The following ADK variants were observed in gnomAD, a reference collection of about 807,000 sequenced individuals.
The protein encoded by ADK is adenosine kinase.
In ADK, 24 loss-of-function variants were observed where a neutral mutation model predicts 44.7. The ratio of observed to expected loss-of-function variants is 0.54; its 90% confidence interval spans 0.39 to 0.76. ADK has a LOEUF of 0.76. Ranked by LOEUF, ADK falls within the 30% of genes least tolerant of loss-of-function variation. The pLI, the probability that ADK is intolerant of heterozygous loss-of-function variation, is 0.00. For missense variants in ADK, 321 were observed against 425.1 expected, an observed-to-expected ratio of 0.76 and a Z score of 2.15; for synonymous variants, 128 against 142.6, an observed-to-expected ratio of 0.90 and a Z score of 0.73.
intron 8 of ADK, 58 bp downstream of exon 8, chr10:74,589,375 A>G: frequency 6.4e-7 from 1 of 1,562,122 alleles, no homozygotes; most frequent in Admixed American, 1.7e-5. Context: ...CTAGCTGATA[A>G]TGAAGTTCTT....
At chr10:74,226,309 G>A (rs1277904037) in intron 3 of ADK, among the ~76,000 whole-genome samples, 1 of 152,086 alleles carries the variant, frequency 6.6e-6, no homozygotes, top group African/African-American at 2.4e-5. Flanking sequence ...GTTTCGCCAT[G>A]TTGGCCAGGC....
chr10:74,208,738 T>A (rs923642602), intron 2 of ADK, among the ~76,000 whole-genome samples: 2 of 151,846 alleles, frequency 1.3e-5, no homozygotes, highest in African/African-American at 4.8e-5. Context: ...TTTTTTATTT[T>A]TTTATTTTTT....
intron 4 of ADK, among the ~76,000 whole-genome samples, chr10:74,374,876 C>G (rs1842771112): frequency 6.6e-6 from 1 of 152,086 alleles, no homozygotes; most frequent in Non-Finnish European, 1.5e-5. Flanking sequence ...TCATTATACC[C>G]CATATTCCTT....
chr10:74,616,403 G>A (rs1852761572), intron 9 of ADK, among the ~76,000 whole-genome samples: 1 of 151,690 alleles, frequency 6.6e-6, no homozygotes, highest in Non-Finnish European at 1.5e-5. Context: ...ATATATATAA[G>A]GTGTAGGATA....
chr10:74,359,269 T>C (rs1448819086), intron 4 of ADK, among the ~76,000 whole-genome samples: 1 of 152,182 alleles, frequency 6.6e-6, no homozygotes, highest in Non-Finnish European at 1.5e-5. Flanking sequence ...CAGCTTTCTC[T>C]TTTTGCTCAG....
chr10:74,551,795 A>G (rs1850043126), intron 7 of ADK, among the ~76,000 whole-genome samples: 1 of 152,198 alleles, frequency 6.6e-6, no homozygotes, highest in East Asian at 1.9e-4. Flanking sequence ...TGCATATAAT[A>G]TACAGTCCTC....
intron 7 of ADK, among the ~76,000 whole-genome samples, chr10:74,528,514 G>A (rs752999914): frequency 6.7e-5 from 10 of 148,218 alleles, no homozygotes; most frequent in Non-Finnish European, 1.3e-4. Flanking sequence ...GGAAAAAATA[G>A]ATAAATTAGA....
intron 3 of ADK, among the ~76,000 whole-genome samples, chr10:74,277,757 C>T (rs554389633): frequency 3.9e-5 from 6 of 152,132 alleles, no homozygotes; most frequent in East Asian, 1.9e-4. Context: ...TTTAGAAATA[C>T]GGGTTTTTAA....
chr10:74,299,140 C>G (rs1184928437), intron 3 of ADK, among the ~76,000 whole-genome samples: 1 of 152,000 alleles, frequency 6.6e-6, no homozygotes, highest in Non-Finnish European at 1.5e-5. Context: ...TGAGAAAACA[C>G]TAATTCAGCA....
intron 3 of ADK, among the ~76,000 whole-genome samples, chr10:74,247,381 G>C (rs943280441): frequency 1.3e-5 from 2 of 151,660 alleles, no homozygotes; most frequent in African/African-American, 4.8e-5. Flanking sequence ...TGGGACTACA[G>C]GCACGTGCCA....
chr10:74,441,625 T>C (rs1845408445), intron 6 of ADK, among the ~76,000 whole-genome samples: 1 of 152,024 alleles, frequency 6.6e-6, no homozygotes, highest in Non-Finnish European at 1.5e-5. Context: ...GAAAACATAT[T>C]AGAAAAGCTC....
intron 8 of ADK, among the ~76,000 whole-genome samples, chr10:74,595,397 AGGGG>A (rs1564810295): frequency 0.011 from 13 of 1,186 alleles, no homozygotes; most frequent in African/African-American, 0.037. Flanking sequence ...TTTTTTGGGG[AGGGG>A]GTTTGGCTTT....
chr10:74,432,196 A>C (rs1327289921), intron 6 of ADK, among the ~76,000 whole-genome samples: 1 of 152,206 alleles, frequency 6.6e-6, no homozygotes, highest in Non-Finnish European at 1.5e-5. Context: ...TTTTTATTTA[A>C]AATAAAAGTA....
At chr10:74,243,319 G>A (rs1845296953) in intron 3 of ADK, among the ~76,000 whole-genome samples, 1 of 152,222 alleles carries the variant, frequency 6.6e-6, no homozygotes, top group African/African-American at 2.4e-5. Flanking sequence ...GTTGAGCGCT[G>A]TGGCGTGAGT....
chr10:74,442,497 T>C (rs1845453402), intron 6 of ADK, among the ~76,000 whole-genome samples: 1 of 151,966 alleles, frequency 6.6e-6, no homozygotes, highest in South Asian at 2.1e-4. Context: ...AATATAAAAA[T>C]TAGCTGGGCG....
chr10:74,591,429 A>G (rs566376612), intron 8 of ADK, among the ~76,000 whole-genome samples: 43 of 152,302 alleles, frequency 2.8e-4, no homozygotes, highest in Non-Finnish European at 2.9e-4. Context: ...GTAGATTCCC[A>G]AAACCATCAC....
chr10:74,330,225 T>C (rs1050702873), intron 4 of ADK, among the ~76,000 whole-genome samples: 1 of 152,142 alleles, frequency 6.6e-6, no homozygotes, highest in Non-Finnish European at 1.5e-5. Flanking sequence ...TTGCTTTATG[T>C]TACAGTTGTC....
At chr10:74,486,900 T>C (rs1197432103) in intron 6 of ADK, among the ~76,000 whole-genome samples, 2 of 152,180 alleles carry the variant, frequency 1.3e-5, no homozygotes, top group Non-Finnish European at 2.9e-5. Context: ...TTGGTAAGAA[T>C]TCATGTTTCC....
intron 5 of ADK, among the ~76,000 whole-genome samples, chr10:74,394,761 G>A (rs1185692888): frequency 1.3e-5 from 2 of 152,068 alleles, no homozygotes; most frequent in Non-Finnish European, 2.9e-5. Context: ...TTACATTCAG[G>A]CTCGTAAGAC....
Sources: allele counts gnomAD v4.1 joint callset (sites outside exome capture counted in the v4.1 genomes callset), GRCh38; gene constraint gnomAD v4.1.1; transcripts MANE v1.5; gene names NCBI Gene and HGNC (gene_info 2026-07-23, HGNC 2026-07-21).